The following CSMD1 variants were observed in gnomAD, a reference collection of about 807,000 sequenced individuals.
The protein encoded by CSMD1 is CUB and Sushi multiple domains 1.
A neutral mutation model predicts 417.5 loss-of-function variants in CSMD1; 213 were observed. The observed-to-expected ratio is 0.51, with a 90% CI of 0.46 to 0.57. CSMD1 has a LOEUF of 0.57. CSMD1 is among the 20% of genes least tolerant of loss of function. The pLI is 0.00. For missense variants in CSMD1, 6,923 were observed against 4,529.7 expected (o/e 1.53, Z -15.17); for synonymous variants, 2,862 against 1,736.8 (o/e 1.65, Z -16.11).
intron 8 of CSMD1, among the ~76,000 whole-genome samples, chr8:3,609,753 C>T (rs1322551511): frequency 1.4e-5 from 2 of 143,304 alleles, no homozygotes; most frequent in Admixed American, 7.0e-5. Context: ...AAAAAAAAAC[C>T]GAATTACCTT....
At chr8:4,063,222 C>G (rs993018666) in intron 3 of CSMD1, among the ~76,000 whole-genome samples, 5 of 152,014 alleles carry the variant, frequency 3.3e-5, no homozygotes, top group Non-Finnish European at 7.4e-5. Flanking sequence ...ACTTTGTGTG[C>G]ATATTTCAAA....
At chr8:2,974,662 C>G (rs759808285) in intron 55 of CSMD1, 38 bp from the exon 56 acceptor site, 1 of 1,467,106 alleles carries the variant, frequency 6.8e-7, no homozygotes, top group Non-Finnish European at 9.2e-7. Context: ...TACATCCTTC[C>G]AGTTAAACCA....
intron 52 of CSMD1, among the ~76,000 whole-genome samples, chr8:3,012,576 A>G (rs1431066460): frequency 6.6e-6 from 1 of 152,206 alleles, no homozygotes; most frequent in Non-Finnish European, 1.5e-5. Flanking sequence ...AGGGAAAAAA[A>G]ATGCTTTTGT....
At chr8:4,049,465 G>A (rs1420483487) in intron 3 of CSMD1, among the ~76,000 whole-genome samples, 1 of 150,710 alleles carries the variant, frequency 6.6e-6, no homozygotes, top group African/African-American at 2.4e-5. Flanking sequence ...CCAGTCCCTG[G>A]CATTCAAATA....
Position 3,891,069 on chromosome 8 carries a change from G to C in CSMD1, c.818+106834C>G, listed in dbSNP as rs191069921. Among the ~76,000 whole-genome samples, 400 of 151,610 alleles carry C rather than the reference G, an allele frequency of 2.6e-3. 4 individuals carry two copies. Among genetic ancestry groups the C allele is most frequent in the Non-Finnish European group, 2.2e-3 (149 of 67,952 alleles). ...TTTTTGTTTTATTTTATTATTTTGA[G>C]ACAGGATCTCACTCTGTCATCCAGG... On this transcript the variant is annotated intron_variant, in intron 5 of 69. Coordinates refer to ENST00000635120, the MANE Select transcript of CSMD1 (RefSeq NM_033225.6).
intron 15 of CSMD1, among the ~76,000 whole-genome samples, chr8:3,400,170 G>A (rs1360404031): frequency 6.6e-6 from 1 of 152,172 alleles, no homozygotes; most frequent in East Asian, 1.9e-4. Context: ...CTCAGTGAAA[G>A]TGATTATGCA....
intron 1 of CSMD1, among the ~76,000 whole-genome samples, chr8:4,649,853 A>G (rs1184272446): frequency 6.6e-6 from 1 of 152,236 alleles, no homozygotes; most frequent in Non-Finnish European, 1.5e-5. Context: ...TGCCTTTAAC[A>G]AATAAAAGAG....
intron 3 of CSMD1, among the ~76,000 whole-genome samples, chr8:4,414,103 G>C (rs1796797930): frequency 6.6e-6 from 1 of 152,084 alleles, no homozygotes. Flanking sequence ...GGTGGAGTTT[G>C]GGTTATCACT....
chr8:4,962,983 A>T (rs774682893), intron 1 of CSMD1, among the ~76,000 whole-genome samples: 8 of 152,130 alleles, frequency 5.3e-5, no homozygotes, highest in African/African-American at 1.7e-4. Context: ...CGAAGAATCT[A>T]GTGACGCTAT....
chr8:4,653,196 G>A (rs1804020176), intron 1 of CSMD1, among the ~76,000 whole-genome samples: 1 of 152,014 alleles, frequency 6.6e-6, no homozygotes, highest in Non-Finnish European at 1.5e-5. Context: ...CACAGCAGGA[G>A]GCAATTTTAG....
intron 10 of CSMD1, among the ~76,000 whole-genome samples, chr8:3,528,733 G>A (rs1031295176): frequency 2.0e-5 from 3 of 152,168 alleles, no homozygotes; most frequent in Non-Finnish European, 2.9e-5. Context: ...TTGGAATAGT[G>A]AATGTTCCAA....
chr8:3,580,867 C>T (rs78167284), intron 9 of CSMD1, among the ~76,000 whole-genome samples: 1 of 151,950 alleles, frequency 6.6e-6, no homozygotes, highest in Non-Finnish European at 1.5e-5. Flanking sequence ...CAGAAAACAC[C>T]AATGGAAAAG....
At chr8:4,371,337 A>G (rs1229764657) in intron 3 of CSMD1, among the ~76,000 whole-genome samples, 1 of 152,200 alleles carries the variant, frequency 6.6e-6, no homozygotes, top group East Asian at 1.9e-4. Context: ...CAGGCAAGTT[A>G]AAGTTTTAAA....
In CSMD1 at chr8:4,637,525, T is replaced by A. The variant is rs200799805; in HGVS notation, c.119A>T (p.Asn40Ile). The A allele has an allele frequency of 6.2e-6, 10 of 1,613,794 alleles. No individual in the cohort carries two copies. Among genetic ancestry groups the A allele is most frequent in the African/African-American group, 2.7e-5 (2 of 74,992 alleles). ...AAACCCTGGGCTCTCAATAGTGCCA[T>A]TGGGACCCTGGACTAAGCCTCCACA... ...QNCGGLVQGPNGTIESPGFPH... is the reference protein window; with the variant it reads ...QNCGGLVQGPIGTIESPGFPH... The change falls in exon 2 of 70, where the codon AAT becomes ATT. Residue 40 changes from asparagine (N) to isoleucine (I), a missense_variant. By Grantham distance (149) the Asn-to-Ile change is moderately radical. Transcript: ENST00000635120.
At chr8:3,872,920 G>C (rs930118253) in intron 5 of CSMD1, among the ~76,000 whole-genome samples, 15 of 148,960 alleles carry the variant, frequency 1.0e-4, no homozygotes, top group Non-Finnish European at 1.3e-4. Context: ...CTGAAAATAA[G>C]ACATACATGT....
intron 18 of CSMD1, among the ~76,000 whole-genome samples, 186 bp from the exon 19 acceptor site, chr8:3,369,556 G>C (rs1363704489): frequency 6.6e-6 from 1 of 152,144 alleles, no homozygotes; most frequent in Non-Finnish European, 1.5e-5. Flanking sequence ...CATATGAAGG[G>C]ATCTTAACCA....
chr8:2,941,625 TG>T (rs1801879832), intron 69 of CSMD1, among the ~76,000 whole-genome samples: 1 of 152,268 alleles, frequency 6.6e-6, no homozygotes, highest in Admixed American at 6.5e-5. Context: ...GGAAAGGATC[TG>T]GTTCACTAAA....
At chr8:4,108,690 T>A (rs1212554363) in intron 3 of CSMD1, among the ~76,000 whole-genome samples, 1 of 151,596 alleles carries the variant, frequency 6.6e-6, no homozygotes, top group South Asian at 2.1e-4. Context: ...TTTAGAACAG[T>A]TAAGCAGACA....
chr8:3,952,520 C>T (rs1394163350), intron 5 of CSMD1, among the ~76,000 whole-genome samples: 1 of 152,118 alleles, frequency 6.6e-6, no homozygotes, highest in South Asian at 2.1e-4. Flanking sequence ...AACAAAACCT[C>T]CTTCAGGTTT....
Sources: gnomAD v4.1 joint callset for allele counts (sites outside exome capture counted in the v4.1 genomes callset) on GRCh38, gnomAD v4.1.1 for gene constraint, MANE v1.5 for transcripts, NCBI Gene and HGNC (gene_info 2026-07-23, HGNC 2026-07-21) for gene names.